BCOR: variants seen among roughly 807,000 people sequenced by gnomAD.
BCOR encodes BCL-6 corepressor.
In BCOR, 10 loss-of-function variants were observed where a neutral mutation model predicts 86.7. That is an observed-to-expected ratio of 0.12 (90% CI 0.07 to 0.20). The LOEUF is 0.20. Among genes scored for constraint, BCOR ranks in the 10% least tolerant of loss-of-function variants. The pLI, the probability that BCOR is intolerant of heterozygous loss-of-function variation, is 1.00. For synonymous variants in BCOR, 611 were observed against 609.0 expected, an observed-to-expected ratio of 1.00 and a Z score of -0.05; for missense variants, 1,259 against 1,452.1, an observed-to-expected ratio of 0.87 and a Z score of 2.16.
intron 1 of BCOR, among the ~76,000 whole-genome samples, chrX:40,134,548 A>G (rs770903297): frequency 1.1e-4 from 12 of 111,582 alleles, no homozygotes; most frequent in African/African-American, 2.6e-4. Context: ...ACTTGAGCCC[A>G]GGAGGTTGAG....
At chrX:40,107,892 T>A (rs753349240) in intron 1 of BCOR, among the ~76,000 whole-genome samples, 1 of 113,669 alleles carries the variant, frequency 8.8e-6, no homozygotes, top group Non-Finnish European at 1.9e-5. Flanking sequence ...TGTGCGTTCA[T>A]ACGCGGGAGG....
At chrX:40,054,775 T>C (rs965289624) in intron 12 of BCOR, among the ~76,000 whole-genome samples, 1 of 112,925 alleles carries the variant, frequency 8.9e-6, no homozygotes, top group African/African-American at 3.2e-5. Flanking sequence ...AGTGCTGGGA[T>C]TACAGGCGTG....
chrX:40,158,032 GGT>G (rs1938331940), intron 1 of BCOR, among the ~76,000 whole-genome samples: 2 of 112,446 alleles, frequency 1.8e-5, no homozygotes, highest in East Asian at 5.6e-4. Flanking sequence ...GCGCACCAGA[GGT>G]GTCCCAGGGC....
upstream of BCOR, among the ~76,000 whole-genome samples, chrX:40,099,870 T>C (rs1937038265): frequency 8.9e-6 from 1 of 111,926 alleles, no homozygotes; most frequent in Non-Finnish European, 1.9e-5. Flanking sequence ...GGCGAGCAAG[T>C]GCCCCCGCGA....
intron 1 of BCOR, among the ~76,000 whole-genome samples, chrX:40,106,194 C>T (rs1310026364): frequency 8.9e-6 from 1 of 112,037 alleles, no homozygotes; most frequent in Non-Finnish European, 1.9e-5. Context: ...CACCCACCCC[C>T]CACCTCCGTC....
Position 40,062,983 on chromosome X carries a change from T to C in BCOR, c.3936A>G (p.Ala1312=). ...GGKKQAQPSC[A]PASRPPAKQQ... ...GTTTGGCAGGCGGCCTGGAGGCTGGTGCGCAGCTTGGCTGAGCCTGCTTTT... is the reference window on the plus strand; with the variant it reads ...GTTTGGCAGGCGGCCTGGAGGCTGGCGCGCAGCTTGGCTGAGCCTGCTTTT... The change falls in exon 9 of 15, where the codon GCA becomes GCG. Residue 1312 remains alanine (A), a synonymous_variant. Coordinates refer to ENST00000378444, the MANE Select transcript of BCOR (RefSeq NM_001123385.2). 1.7e-6 allele frequency: 2 copies of C among 1,182,094 alleles called. No individual in the cohort carries two copies. Among genetic ancestry groups the C allele is most frequent in the Non-Finnish European group, 2.3e-6 (2 of 880,134 alleles).
At chrX:40,168,811 A>T (rs1301647398) in intron 1 of BCOR, among the ~76,000 whole-genome samples, 2 of 113,522 alleles carry the variant, frequency 1.8e-5, no homozygotes, top group Non-Finnish European at 3.7e-5. Flanking sequence ...AGCTATTAAA[A>T]TTAATCGCCC....
At chrX:40,070,715 C>T (rs1226346283) in intron 6 of BCOR, among the ~76,000 whole-genome samples, 2 of 111,639 alleles carry the variant, frequency 1.8e-5, no homozygotes, top group Non-Finnish European at 3.8e-5. Flanking sequence ...ATAACCTGTC[C>T]CTGCACCTAA....
At chrX:40,128,732 G>C (rs1161520880) in intron 1 of BCOR, among the ~76,000 whole-genome samples, 2 of 111,375 alleles carry the variant, frequency 1.8e-5, no homozygotes, top group African/African-American at 6.5e-5. Context: ...GGCTCCCTAT[G>C]CAAGTCATAC....
chrX:40,113,989 TTG>T (rs930413588), intron 1 of BCOR, among the ~76,000 whole-genome samples: 2 of 111,020 alleles, frequency 1.8e-5, no homozygotes, highest in Non-Finnish European at 3.8e-5. Context: ...TGGCTACTTT[TTG>T]TGTTTTTAGT....
chrX:40,128,154 G>A (rs1937566873), intron 1 of BCOR, among the ~76,000 whole-genome samples: 2 of 111,255 alleles, frequency 1.8e-5, no homozygotes, highest in East Asian at 5.6e-4. Flanking sequence ...GAACCCGGAA[G>A]GAGGAAGTTG....
chrX:40,098,868 G>C (rs1602217345), upstream of BCOR, among the ~76,000 whole-genome samples: 1 of 112,631 alleles, frequency 8.9e-6, no homozygotes, highest in Non-Finnish European at 1.9e-5. Flanking sequence ...GTGGGGGAAG[G>C]GGGGAGCAGC....
upstream of BCOR, among the ~76,000 whole-genome samples, chrX:40,098,046 G>GCCCGCCCTCCCTCCCTCCCT (rs1569177243): frequency 1.2e-4 from 1 of 8,235 alleles, no homozygotes; most frequent in African/African-American, 4.9e-4. Context: ...CCTCCCTCCC[G>GCCCGCCCTCCCTCCCTCCCT]CCCGCCCTAC....
Position 40,081,464 on chromosome X carries a change from C to A in BCOR, c.-40-3495G>T, listed in dbSNP as rs1361267038. On this transcript the variant is annotated intron_variant, in intron 1 of 14. Transcript: ENST00000378444. ...TTTTTACCTCTAAGGCCAAGTGCTT[C>A]GAAACTGATGTTGCTGACCCTTGGC... 2.7e-5 allele frequency among the ~76,000 whole-genome samples: 3 copies of A among 112,545 alleles called. No homozygotes were observed. In the East Asian group the frequency reaches 8.4e-4, roughly 31 times the overall value.
chrX:40,089,605 CT>C (rs1442667829), intron 1 of BCOR, among the ~76,000 whole-genome samples: 1 of 111,165 alleles, frequency 9.0e-6, no homozygotes, highest in African/African-American at 3.3e-5. Flanking sequence ...CTGTTATACC[CT>C]GGTGTAAGGC....
intron 1 of BCOR, among the ~76,000 whole-genome samples, chrX:40,130,556 G>A (rs1427029513): frequency 8.9e-6 from 1 of 112,340 alleles, no homozygotes; most frequent in Non-Finnish European, 1.9e-5. Flanking sequence ...GCCTACCCCT[G>A]TCTGCTCTCA....
At chrX:40,076,602 G>A (rs1456415008) in intron 2 of BCOR, 70 bp from the exon 3 acceptor site, 7 of 857,138 alleles carry the variant, frequency 8.2e-6, no homozygotes, top group Non-Finnish European at 1.2e-5. Flanking sequence ...GATCTCCCCA[G>A]AACAGACCAG....
intron 1 of BCOR, among the ~76,000 whole-genome samples, chrX:40,139,427 T>TATATAC (rs1937799246): frequency 1.3e-4 from 1 of 7,595 alleles, no homozygotes; most frequent in Non-Finnish European, 1.8e-4. Context: ...TATATATACA[T>TATATAC]ATATATATAT....
chrX:40,120,944 G>A (rs368297238), intron 1 of BCOR, among the ~76,000 whole-genome samples: 1 of 111,300 alleles, frequency 9.0e-6, no homozygotes. Flanking sequence ...AAGACTCAAC[G>A]GAGCCGGGGG....
Sources: allele counts gnomAD v4.1 joint callset (sites outside exome capture counted in the v4.1 genomes callset), GRCh38; gene constraint gnomAD v4.1.1; transcripts MANE v1.5; gene names NCBI Gene and HGNC (gene_info 2026-07-23, HGNC 2026-07-21).